Variants in ADGB observed in about 807,000 individuals in gnomAD.
ADGB encodes the protein androglobin.
In ADGB, 172 loss-of-function variants were observed where a neutral mutation model predicts 210.5. The ratio of observed to expected loss-of-function variants is 0.82; its 90% CI spans 0.72 to 0.93. The LOEUF (loss-of-function observed/expected upper bound fraction) is 0.93. Ranked by LOEUF, ADGB falls within the 40% of genes least tolerant of loss-of-function variation. The probability of loss-of-function intolerance (pLI) is 0.00; values close to 1 mark genes in which losing one functional copy is unlikely to be tolerated. For missense variants in ADGB, 2,025 were observed against 1,964.8 expected (o/e 1.03, Z -0.58); for synonymous variants, 658 against 662.7 (o/e 0.99, Z 0.11).
At chr6:146,699,544 C>T (rs533873190) in intron 12 of ADGB, among the ~76,000 whole-genome samples, 3 of 152,192 alleles carry the variant, frequency 2.0e-5, no homozygotes, top group African/African-American at 4.8e-5. Flanking sequence ...GATCTTCTCT[C>T]AATCCACCGA....
chr6:146,612,850 A>G (rs1033595798), intron 1 of ADGB, among the ~76,000 whole-genome samples: 1 of 152,182 alleles, frequency 6.6e-6, no homozygotes, highest in Non-Finnish European at 1.5e-5. Context: ...CCTACTCTCT[A>G]CATCAACTAA....
At chr6:146,610,759 A>G (rs898742421) in intron 1 of ADGB, among the ~76,000 whole-genome samples, 2 of 152,138 alleles carry the variant, frequency 1.3e-5, no homozygotes, top group Admixed American at 6.5e-5. Flanking sequence ...CAACACTCCA[A>G]TGGGGGGTGG....
intron 23 of ADGB, among the ~76,000 whole-genome samples, chr6:146,737,331 TAGA>T (rs1295013994): frequency 1.3e-5 from 2 of 152,150 alleles, no homozygotes; most frequent in South Asian, 2.1e-4. Context: ...TTAGGCATAG[TAGA>T]AGAAGAGTTT....
At chr6:146,728,890 T>C in intron 20 of ADGB, 149 bp downstream of exon 20, 2 of 659,364 alleles carry the variant, frequency 3.0e-6, no homozygotes, top group East Asian at 2.8e-5. Flanking sequence ...AAAGCAGAAA[T>C]GAGGGAGTAA....
intron 12 of ADGB, among the ~76,000 whole-genome samples, chr6:146,699,859 A>T (rs1776465492): frequency 1.3e-5 from 2 of 152,290 alleles, no homozygotes; most frequent in African/African-American, 4.8e-5. Flanking sequence ...CCCCAAATGG[A>T]TTAGTTTCAT....
At chr6:146,714,821 A>C (rs1776709958) in intron 13 of ADGB, among the ~76,000 whole-genome samples, 1 of 152,162 alleles carries the variant, frequency 6.6e-6, no homozygotes, top group Non-Finnish European at 1.5e-5. Flanking sequence ...AATATTGTTG[A>C]CATTACCTGT....
At chr6:146,647,666 C>T (rs1345650212) in intron 3 of ADGB, among the ~76,000 whole-genome samples, 1 of 151,736 alleles carries the variant, frequency 6.6e-6, no homozygotes, top group Non-Finnish European at 1.5e-5. Context: ...AGCATCAGGC[C>T]ACAACAACAA....
chr6:146,735,756 CA>C (rs1272169055), intron 22 of ADGB, among the ~76,000 whole-genome samples: 1 of 152,092 alleles, frequency 6.6e-6, no homozygotes, highest in Non-Finnish European at 1.5e-5. Flanking sequence ...TTCAACTATT[CA>C]AAATGTTTTT....
intron 29 of ADGB, among the ~76,000 whole-genome samples, chr6:146,779,126 T>C (rs1216921778): frequency 6.7e-6 from 1 of 148,200 alleles, no homozygotes; most frequent in Non-Finnish European, 1.5e-5. Context: ...AGAAGTAAAA[T>C]GGAGTTGGAT....
chr6:146,616,025 C>T (rs892648803), intron 1 of ADGB, among the ~76,000 whole-genome samples: 3 of 150,106 alleles, frequency 2.0e-5, no homozygotes, highest in African/African-American at 7.6e-5. Context: ...TTTACATTCC[C>T]ACCAGCAGTG....
chr6:146,639,263 T>C (rs1163569693), intron 2 of ADGB: 1 of 152,450 alleles, frequency 6.6e-6, no homozygotes, highest in African/African-American at 2.4e-5. Context: ...ATACCAAGCA[T>C]GTTTTATCTT....
intron 16 of ADGB, among the ~76,000 whole-genome samples, chr6:146,720,355 TTAA>T (rs1206072973): frequency 2.0e-5 from 3 of 152,282 alleles, no homozygotes; most frequent in East Asian, 1.9e-4. Context: ...TTAAGTATTA[TTAA>T]TAAGTACTGT....
chr6:146,735,486 C>T (rs997704143), intron 22 of ADGB, among the ~76,000 whole-genome samples: 2 of 152,124 alleles, frequency 1.3e-5, no homozygotes, highest in African/African-American at 4.8e-5. Flanking sequence ...CACACTCTTT[C>T]GATAATCACA....
At chr6:146,696,455 A>T (rs1424819237) in intron 12 of ADGB, among the ~76,000 whole-genome samples, 1 of 150,594 alleles carries the variant, frequency 6.6e-6, no homozygotes, top group Non-Finnish European at 1.5e-5. Context: ...CATAAAACTT[A>T]AAAAAATAAA....
At chr6:146,787,289 C>G (rs978039994) in intron 32 of ADGB, among the ~76,000 whole-genome samples, 1 of 152,192 alleles carries the variant, frequency 6.6e-6, no homozygotes. Context: ...ACACCACATA[C>G]TAAAGTCCTC....
intron 29 of ADGB, among the ~76,000 whole-genome samples, chr6:146,779,532 C>G: frequency 6.6e-6 from 1 of 152,090 alleles, no homozygotes; most frequent in East Asian, 1.9e-4. Flanking sequence ...TAATTAAACT[C>G]TCTAAAGCAA....
intron 12 of ADGB, among the ~76,000 whole-genome samples, chr6:146,697,637 G>T (rs920394021): frequency 6.6e-6 from 1 of 151,978 alleles, no homozygotes; most frequent in African/African-American, 2.4e-5. Context: ...GGAAAAAAAA[G>T]TACAGTTAAG....
intron 33 of ADGB, among the ~76,000 whole-genome samples, chr6:146,796,939 C>T (rs1175347703): frequency 6.6e-6 from 1 of 152,126 alleles, no homozygotes; most frequent in Non-Finnish European, 1.5e-5. Context: ...TCTTCCCAAA[C>T]TATGCATTCG....
In ADGB at chr6:146,657,639, A is replaced by C. The variant is rs1583577713; in HGVS notation, c.612+659A>C. Among the ~76,000 whole-genome samples the C allele has an allele frequency of 2.0e-5, 3 of 152,106 alleles. No homozygotes were observed. In the South Asian group the frequency reaches 6.2e-4, roughly 32 times the overall value. ...TGAGGCGAGCGGGGCAGGCAGGTGG[A>C]TGCACCGGGCTTCCACCTTCCTCTT... On this transcript the variant is annotated intron_variant, in intron 5 of 35. Transcript: ENST00000397944.
Sources: allele counts gnomAD v4.1 joint callset (sites outside exome capture counted in the v4.1 genomes callset), GRCh38; gene constraint gnomAD v4.1.1; transcripts MANE v1.5; gene names NCBI Gene and HGNC (gene_info 2026-07-23, HGNC 2026-07-21).